Variants in SLC44A1 observed in about 807,000 individuals in gnomAD.
SLC44A1 encodes the protein choline transporter-like protein 1.
In SLC44A1, 26 loss-of-function variants were observed where a neutral mutation model predicts 79.3. That is an observed-to-expected ratio of 0.33 (90% CI 0.24 to 0.46). SLC44A1 has a LOEUF of 0.46. SLC44A1 is among the 20% of genes least tolerant of loss of function. The pLI is 1.00. For synonymous variants in SLC44A1, 263 were observed against 286.2 expected, an observed-to-expected ratio of 0.92 and a Z score of 0.82; for missense variants, 688 against 798.1, an observed-to-expected ratio of 0.86 and a Z score of 1.66.
At chr9:105,315,687 A>G (rs575459727) in intron 3 of SLC44A1, among the ~76,000 whole-genome samples, 11 of 152,226 alleles carry the variant, frequency 7.2e-5, no homozygotes, top group Non-Finnish European at 1.3e-4. Flanking sequence ...CCTCTTTTGA[A>G]GACTTTTTAA....
chr9:105,384,036 A>G (rs1028990514), intron 14 of SLC44A1, among the ~76,000 whole-genome samples: 1 of 152,234 alleles, frequency 6.6e-6, no homozygotes, highest in African/African-American at 2.4e-5. Context: ...TCTAAATAAT[A>G]GTAGTTTGCT....
At position 105,397,162 on chromosome 9, in the gene SLC44A1, A is replaced by G. The variant is rs549577982; in HGVS notation, c.*8106A>G. ...TCTGGCTTCAGAGAACAATCAGCCT[A>G]TATGAAACGGAGCTTTGAAATGTTT... On this transcript the variant is annotated 3_prime_UTR_variant, in exon 16 of 16. Transcript: ENST00000374720. The G allele has an allele frequency of 9.1e-6, 9 of 985,426 alleles. No individual in the cohort carries two copies. The highest frequency in any genetic ancestry group is 2.3e-4 in the East Asian group (2 of 8,824). The allele number at this position is 985,426 out of a possible 1,614,324, so 61.0% of individuals were successfully genotyped here. A position where few individuals can be genotyped will look rare whatever the true frequency, so the allele number is the denominator to read the frequency against.
intron 1 of SLC44A1, among the ~76,000 whole-genome samples, chr9:105,271,077 C>G (rs1588717657): frequency 6.6e-6 from 1 of 152,354 alleles, no homozygotes; most frequent in Middle Eastern, 3.4e-3. Flanking sequence ...CGCTTCTTTC[C>G]TGTTGGAATA....
intron 14 of SLC44A1, among the ~76,000 whole-genome samples, chr9:105,384,626 A>G (rs2131468839): frequency 6.6e-6 from 1 of 152,276 alleles, no homozygotes; most frequent in East Asian, 1.9e-4. Flanking sequence ...TTATTTTCTT[A>G]ATGGAATTTG....
chr9:105,332,761 G>A (rs1826792259), intron 3 of SLC44A1, among the ~76,000 whole-genome samples: 3 of 151,986 alleles, frequency 2.0e-5, no homozygotes, highest in Non-Finnish European at 4.4e-5. Context: ...TTGTATCCCT[G>A]TTTTATGCCC....
intron 15 of SLC44A1, among the ~76,000 whole-genome samples, chr9:105,426,324 C>T (rs7026355): frequency 0.16 from 24,260 of 152,092 alleles, 4,380 homozygotes; most frequent in African/African-American, 0.45. Context: ...CAATGTTTGA[C>T]CCTTGATTTA....
In SLC44A1 at chr9:105,396,606, G is replaced by T. The variant is rs952718569; in HGVS notation, c.*7550G>T. ...CAGTGTCAAGCCCAGCCCAGCATAT[G>T]GGGTGATATGAGCAGAAAACACACA... On this transcript the variant is annotated 3_prime_UTR_variant, in exon 16 of 16. Coordinates refer to ENST00000374720, the MANE Select transcript of SLC44A1 (RefSeq NM_080546.5). 17 of 985,456 alleles carry T rather than the reference G, an allele frequency of 1.7e-5. No homozygotes were observed. Among genetic ancestry groups the T allele is most frequent in the Non-Finnish European group, 2.0e-5 (17 of 829,940 alleles). The allele number at this position is 985,456 out of a possible 1,614,324, so 61.0% of individuals were successfully genotyped here.
intron 2 of SLC44A1, among the ~76,000 whole-genome samples, chr9:105,300,461 C>A (rs1414089658): frequency 6.6e-6 from 1 of 152,160 alleles, no homozygotes; most frequent in East Asian, 1.9e-4. Context: ...GCCCACCAGG[C>A]CAGCGCCATT....
chr9:105,399,806 A>C (rs1322666838), downstream of SLC44A1, among the ~76,000 whole-genome samples: 1 of 152,192 alleles, frequency 6.6e-6, no homozygotes. Context: ...ATTTTCTTAG[A>C]CATCTTAAAA....
At chr9:105,281,993 G>A (rs939046904) in intron 1 of SLC44A1, among the ~76,000 whole-genome samples, 1 of 152,192 alleles carries the variant, frequency 6.6e-6, no homozygotes, top group African/African-American at 2.4e-5. Flanking sequence ...ACTTTTGTGG[G>A]ATTAACACAG....
rs1321409114 is a variant in SLC44A1 at position 105,362,983 on chromosome 9, A to G, written c.1063A>G (p.Thr355Ala). ...LVLFWVYWIMTLLFLGTTGSP... is the reference protein window; with the variant it reads ...LVLFWVYWIMALLFLGTTGSP... ...CTTGTTTTGGGTGTACTGGATCATGACACTTCTTTTTCTTGGCACTACCGG... is the reference window on the plus strand; with the variant it reads ...CTTGTTTTGGGTGTACTGGATCATGGCACTTCTTTTTCTTGGCACTACCGG... Residue 355 changes from threonine to alanine, a missense_variant, in exon 9 of 16, where the codon ACA (threonine) becomes GCA (alanine). Coordinates refer to ENST00000374720, the MANE Select transcript of SLC44A1 (RefSeq NM_080546.5). 6.2e-7 allele frequency: 1 copy of G among 1,608,558 alleles called. No homozygotes were observed. The highest frequency in any genetic ancestry group is 2.2e-5 in the East Asian group (1 of 44,708).
At chr9:105,332,193 C>T (rs1826774252) in intron 3 of SLC44A1, among the ~76,000 whole-genome samples, 1 of 148,734 alleles carries the variant, frequency 6.7e-6, no homozygotes, top group Non-Finnish European at 1.5e-5. Flanking sequence ...GACCTCGGCT[C>T]ACTGCAATCT....
In SLC44A1 at chr9:105,394,913, C is replaced by T; in HGVS notation, c.*5857C>T. 1 of 985,452 alleles carries T rather than the reference C, an allele frequency of 1.0e-6. No individual in the cohort carries two copies. The highest frequency in any genetic ancestry group is 1.2e-6 in the Non-Finnish European group (1 of 829,970). The allele number at this position is 985,452 out of a possible 1,614,324, so 61.0% of individuals were successfully genotyped here. Reference sequence around the variant, plus strand: ...TAGAACTCCACCCCCAGTCCCTTACCTACTCTATCTTCTTTAGGGAAGCAT... The same window carrying T: ...TAGAACTCCACCCCCAGTCCCTTACTTACTCTATCTTCTTTAGGGAAGCAT... On this transcript the variant is annotated 3_prime_UTR_variant, in exon 16 of 16. Transcript: ENST00000374720.
At chr9:105,261,499 C>T (rs1401936888) in intron 1 of SLC44A1, among the ~76,000 whole-genome samples, 1 of 152,118 alleles carries the variant, frequency 6.6e-6, no homozygotes, top group Non-Finnish European at 1.5e-5. Context: ...CTGCCCATTG[C>T]AGCAATGAGG....
At chr9:105,343,567 T>G (rs1827163338) in intron 4 of SLC44A1, among the ~76,000 whole-genome samples, 1 of 152,214 alleles carries the variant, frequency 6.6e-6, no homozygotes, top group Non-Finnish European at 1.5e-5. Context: ...AAGATTTGAC[T>G]TGATATCATT....
At chr9:105,333,296 A>T (rs1292647958) in intron 3 of SLC44A1, among the ~76,000 whole-genome samples, 5 of 152,028 alleles carry the variant, frequency 3.3e-5, no homozygotes, top group African/African-American at 1.2e-4. Context: ...TGATTTCCCC[A>T]GATGGTTCTC....
intron 1 of SLC44A1, among the ~76,000 whole-genome samples, chr9:105,260,869 C>T (rs76992248): frequency 0.021 from 3,126 of 152,226 alleles, 99 homozygotes; most frequent in African/African-American, 0.07. Context: ...AGATGGAATG[C>T]TATCTTTGGT....
chr9:105,412,693 CT>C (rs1275367198), intron 15 of SLC44A1, among the ~76,000 whole-genome samples: 1 of 152,158 alleles, frequency 6.6e-6, no homozygotes, highest in Non-Finnish European at 1.5e-5. Flanking sequence ...CCTCCGCCCC[CT>C]GGGTTCTAGC....
intron 12 of SLC44A1, among the ~76,000 whole-genome samples, chr9:105,369,825 A>G (rs1200112582): frequency 6.6e-6 from 1 of 152,240 alleles, no homozygotes; most frequent in Non-Finnish European, 1.5e-5. Flanking sequence ...GGCCTGTTCC[A>G]TGCATGGTGA....
Sources: gnomAD v4.1 joint callset for allele counts (sites outside exome capture counted in the v4.1 genomes callset) on GRCh38, gnomAD v4.1.1 for gene constraint, MANE v1.5 for transcripts, NCBI Gene and HGNC (gene_info 2026-07-23, HGNC 2026-07-21) for gene names.